Variants in CSMD3 observed in about 807,000 individuals in gnomAD.
CSMD3 encodes CUB and sushi domain-containing protein 3.
Under a neutral mutation model 435.2 loss-of-function variants are expected in CSMD3, and 177 were observed. The observed-to-expected ratio is 0.41, with a 90% CI of 0.36 to 0.46. The LOEUF is 0.46. CSMD3 is among the 20% of genes least tolerant of loss of function. CSMD3 has a pLI of 0.34. For synonymous variants in CSMD3, 1,656 were observed against 1,520.5 expected (o/e 1.09, Z -2.07); for missense variants, 4,265 against 4,504.6 (o/e 0.95, Z 1.52).
intron 23 of CSMD3, among the ~76,000 whole-genome samples, chr8:112,581,813 C>G (rs1830356133): frequency 6.6e-6 from 1 of 151,756 alleles, no homozygotes; most frequent in African/African-American, 2.4e-5. Context: ...AAGAATAAAT[C>G]AGATTAATAA....
intron 1 of CSMD3, among the ~76,000 whole-genome samples, chr8:113,391,046 T>C (rs1185955251): frequency 6.6e-6 from 1 of 151,916 alleles, no homozygotes; most frequent in African/African-American, 2.4e-5. Context: ...ACTGGAGAAA[T>C]AGAAACTGCA....
chr8:112,823,030 G>C (rs79889470), intron 12 of CSMD3, among the ~76,000 whole-genome samples: 4 of 152,162 alleles, frequency 2.6e-5, no homozygotes, highest in Non-Finnish European at 4.4e-5. Context: ...GCTGGATTCA[G>C]TTTGTCACTA....
intron 51 of CSMD3, among the ~76,000 whole-genome samples, chr8:112,305,423 G>T (rs548312126): frequency 6.6e-6 from 1 of 151,830 alleles, no homozygotes; most frequent in Non-Finnish European, 1.5e-5. Context: ...AAAAATAATC[G>T]AAATATAGAG....
chr8:113,339,052 T>A (rs1027205616), intron 1 of CSMD3, among the ~76,000 whole-genome samples: 1 of 151,920 alleles, frequency 6.6e-6, no homozygotes, highest in African/African-American at 2.4e-5. Flanking sequence ...ACTTAGCACT[T>A]CCTTTGTGCA....
At chr8:112,744,214 A>G (rs571867013) in intron 13 of CSMD3, among the ~76,000 whole-genome samples, 6 of 152,088 alleles carry the variant, frequency 3.9e-5, no homozygotes, top group Non-Finnish European at 5.9e-5. Flanking sequence ...TGTTGAAAGA[A>G]TGTCATTGAG....
chr8:113,342,170 T>A (rs2094123927), intron 1 of CSMD3, among the ~76,000 whole-genome samples: 1 of 151,814 alleles, frequency 6.6e-6, no homozygotes, highest in Non-Finnish European at 1.5e-5. Context: ...GTAGAAATAA[T>A]TAAACTGTGT....
At chr8:112,418,260 T>A (rs553157104) in intron 32 of CSMD3, among the ~76,000 whole-genome samples, 56 of 152,284 alleles carry the variant, frequency 3.7e-4, no homozygotes, top group African/African-American at 1.3e-3. Context: ...ATTTTCTTTT[T>A]TATTATTATT....
At chr8:113,064,553 G>C (rs1188281749) in intron 5 of CSMD3, among the ~76,000 whole-genome samples, 1 of 152,130 alleles carries the variant, frequency 6.6e-6, no homozygotes, top group East Asian at 1.9e-4. Flanking sequence ...TAACAAAAAC[G>C]AAAATAATAC....
At chr8:113,331,546 A>G (rs2132772407) in intron 1 of CSMD3, among the ~76,000 whole-genome samples, 1 of 151,892 alleles carries the variant, frequency 6.6e-6, no homozygotes, top group Admixed American at 6.6e-5. Context: ...AAATACTAGA[A>G]AAGTGAATTC....
Position 112,508,536 on chromosome 8 carries a change from T to C in CSMD3, c.4757-1707A>G, listed in dbSNP as rs563866655. On this transcript the variant is annotated intron_variant, in intron 28 of 70. Transcript: ENST00000297405. ...CTCAGCTTTAAGACAGCACAGGATATTTCCGGAGAATAGGTTGGATTCAGA... is the reference window on the plus strand; with the variant it reads ...CTCAGCTTTAAGACAGCACAGGATACTTCCGGAGAATAGGTTGGATTCAGA... 2.8e-4 allele frequency among the ~76,000 whole-genome samples: 42 copies of C among 152,320 alleles called. No individual in the cohort carries two copies. In the East Asian group the frequency reaches 7.7e-3, roughly 28 times the overall value.
intron 53 of CSMD3, among the ~76,000 whole-genome samples, chr8:112,298,377 C>G (rs1357866655): frequency 6.6e-6 from 1 of 151,954 alleles, no homozygotes; most frequent in Non-Finnish European, 1.5e-5. Context: ...AAAAAAGCTC[C>G]TCAATGCTAC....
chr8:113,254,419 C>A (rs1480780905), intron 3 of CSMD3, among the ~76,000 whole-genome samples: 1 of 152,162 alleles, frequency 6.6e-6, no homozygotes, highest in Non-Finnish European at 1.5e-5. Flanking sequence ...CTTTGTCAAC[C>A]ACATGCACAG....
At chr8:112,403,879 A>T (rs911121428) in intron 35 of CSMD3, among the ~76,000 whole-genome samples, 1 of 152,214 alleles carries the variant, frequency 6.6e-6, no homozygotes, top group Admixed American at 6.5e-5. Flanking sequence ...TAGCTAAAAG[A>T]TAAGAAAATT....
intron 32 of CSMD3, among the ~76,000 whole-genome samples, chr8:112,453,750 T>A (rs1232260170): frequency 3.9e-5 from 6 of 152,104 alleles, no homozygotes; most frequent in Non-Finnish European, 8.8e-5. Context: ...TTCACAGAAT[T>A]AGAAAAAATA....
chr8:113,130,269 T>A (rs566151728), intron 4 of CSMD3, among the ~76,000 whole-genome samples: 1 of 151,906 alleles, frequency 6.6e-6, no homozygotes, highest in African/African-American at 2.4e-5. Flanking sequence ...GGATAGAGAG[T>A]GATATGGTTT....
intron 12 of CSMD3, among the ~76,000 whole-genome samples, chr8:112,826,727 C>T (rs1338841395): frequency 6.6e-6 from 1 of 152,122 alleles, no homozygotes; most frequent in Non-Finnish European, 1.5e-5. Context: ...TGGTTCTTTT[C>T]AATGGCAGCC....
chr8:112,958,365 G>T (rs1463657558), intron 7 of CSMD3, among the ~76,000 whole-genome samples: 1 of 152,034 alleles, frequency 6.6e-6, no homozygotes, highest in African/African-American at 2.4e-5. Context: ...TAGTGTAATA[G>T]AAATATTTTA....
chr8:112,309,145 G>A (rs920205078), intron 50 of CSMD3, among the ~76,000 whole-genome samples: 2 of 151,714 alleles, frequency 1.3e-5, no homozygotes, highest in Non-Finnish European at 2.9e-5. Context: ...TTTAAATTAA[G>A]GACATTGAAA....
chr8:113,078,603 G>C (rs540460144), intron 5 of CSMD3, among the ~76,000 whole-genome samples: 1 of 152,110 alleles, frequency 6.6e-6, no homozygotes, highest in African/African-American at 2.4e-5. Flanking sequence ...CATAAATTTG[G>C]GGGGTTTAAT....
Sources: gnomAD v4.1 joint callset for allele counts (sites outside exome capture counted in the v4.1 genomes callset) on GRCh38, gnomAD v4.1.1 for gene constraint, MANE v1.5 for transcripts, NCBI Gene and HGNC (gene_info 2026-07-23, HGNC 2026-07-21) for gene names.